STPG2: variants seen among roughly 807,000 people sequenced by gnomAD.
STPG2 encodes the protein sperm tail PG-rich repeat containing 2, also known as sperm-tail PG-rich repeat-containing protein 2.
STPG2 carries 56 observed loss-of-function variants against 54.2 expected under a neutral mutation model. The observed-to-expected ratio is 1.03, with a 90% CI of 0.83 to 1.29. The LOEUF (loss-of-function observed/expected upper bound fraction) is 1.29. Ranked by LOEUF, STPG2 falls within the 50% of genes most tolerant of loss-of-function variation. STPG2 has a pLI of 0.00. For missense variants in STPG2, 596 were observed against 544.9 expected, an observed-to-expected ratio of 1.09 and a Z score of -0.93; for synonymous variants, 200 against 181.8, an observed-to-expected ratio of 1.10 and a Z score of -0.81.
intron 4 of STPG2, among the ~76,000 whole-genome samples, chr4:97,515,392 G>C (rs1052942422): frequency 3.9e-5 from 6 of 151,990 alleles, no homozygotes; most frequent in African/African-American, 1.2e-4. Context: ...TCATTGTAAA[G>C]ACCACATATC....
chr4:97,656,733 T>C (rs945706337), intron 10 of STPG2, among the ~76,000 whole-genome samples: 4 of 151,014 alleles, frequency 2.6e-5, no homozygotes, highest in African/African-American at 9.7e-5. Context: ...GTATTGTGCA[T>C]AGTTTTAGTT....
intron 4 of STPG2, among the ~76,000 whole-genome samples, chr4:97,460,097 G>T (rs1312984615): frequency 1.3e-5 from 2 of 152,110 alleles, no homozygotes; most frequent in Non-Finnish European, 2.9e-5. Flanking sequence ...AGCTACAGTG[G>T]TTATAGAAGA....
intron 8 of STPG2, among the ~76,000 whole-genome samples, chr4:97,920,714 A>T (rs1053227469): frequency 2.6e-5 from 4 of 152,220 alleles, no homozygotes; most frequent in Admixed American, 2.6e-4. Context: ...AAGGAAACAT[A>T]GACAGGACCA....
intron 5 of STPG2, among the ~76,000 whole-genome samples, chr4:97,994,414 T>C (rs930735969): frequency 3.3e-5 from 5 of 152,220 alleles, no homozygotes; most frequent in African/African-American, 7.2e-5. Flanking sequence ...GAATGTTTCA[T>C]GCATTGATGA....
intron 8 of STPG2, among the ~76,000 whole-genome samples, chr4:97,872,050 C>T (rs1471126418): frequency 6.6e-6 from 1 of 150,948 alleles, no homozygotes; most frequent in Non-Finnish European, 1.5e-5. Flanking sequence ...ATATGATCAT[C>T]TCATAAATGT....
intron 5 of STPG2, among the ~76,000 whole-genome samples, chr4:98,075,146 T>C (rs1018626046): frequency 1.3e-5 from 2 of 152,184 alleles, no homozygotes; most frequent in Non-Finnish European, 2.9e-5. Flanking sequence ...TCCCTCTTTC[T>C]GGGTAGTGCC....
chr4:97,735,698 T>C (rs999764259), intron 9 of STPG2, among the ~76,000 whole-genome samples: 2 of 150,814 alleles, frequency 1.3e-5, no homozygotes, highest in African/African-American at 2.4e-5. Flanking sequence ...CCTTACAATA[T>C]ATAAGGATAT....
At chr4:97,688,740 T>C (rs1303721493) in intron 10 of STPG2, among the ~76,000 whole-genome samples, 1 of 152,244 alleles carries the variant, frequency 6.6e-6, no homozygotes, top group Admixed American at 6.5e-5. Context: ...TGTACAGAAA[T>C]GAATATAGTA....
chr4:98,095,384 A>G (rs1209183116), intron 5 of STPG2, among the ~76,000 whole-genome samples: 1 of 152,200 alleles, frequency 6.6e-6, no homozygotes, highest in East Asian at 1.9e-4. Flanking sequence ...GAGCAGCTGA[A>G]CAGATGTTTT....
intron 7 of STPG2, among the ~76,000 whole-genome samples, chr4:97,946,755 T>C (rs1733240655): frequency 6.6e-6 from 1 of 152,168 alleles, no homozygotes; most frequent in Non-Finnish European, 1.5e-5. Context: ...GATCTATATG[T>C]CTACTTTTAT....
chr4:98,119,606 CT>C (rs879556822), intron 3 of STPG2, among the ~76,000 whole-genome samples: 159 of 145,850 alleles, frequency 1.1e-3, no homozygotes, highest in Middle Eastern at 3.6e-3. Flanking sequence ...AAAAGAATGC[CT>C]TTTTTTTTTT....
intron 5 of STPG2, among the ~76,000 whole-genome samples, chr4:98,097,613 G>C (rs992896514): frequency 6.6e-6 from 1 of 152,048 alleles, no homozygotes; most frequent in South Asian, 2.1e-4. Flanking sequence ...CATAGTACTA[G>C]AAGTCCTAGC....
At chr4:97,557,224 A>G (rs1035377513), downstream of STPG2, among the ~76,000 whole-genome samples, 4 of 152,142 alleles carry the variant, frequency 2.6e-5, no homozygotes, top group African/African-American at 9.7e-5. Flanking sequence ...AGTTTGTGCC[A>G]GCATAAAACG....
At chr4:97,471,880 G>A (rs922745568) in intron 4 of STPG2, among the ~76,000 whole-genome samples, 5 of 151,958 alleles carry the variant, frequency 3.3e-5, no homozygotes, top group East Asian at 3.8e-4. Context: ...CATATGACTC[G>A]AAAACAAGTT....
At chr4:97,739,866 T>G (rs1459871364) in intron 9 of STPG2, among the ~76,000 whole-genome samples, 14 of 152,002 alleles carry the variant, frequency 9.2e-5, no homozygotes, top group South Asian at 2.1e-4. Flanking sequence ...CATTTTATGA[T>G]GCCAGCATCA....
chr4:97,533,888 T>C (rs1332679830), intron 4 of STPG2, among the ~76,000 whole-genome samples: 2 of 152,154 alleles, frequency 1.3e-5, no homozygotes, highest in African/African-American at 2.4e-5. Context: ...TGAATAAATA[T>C]TTTGAATACA....
At chr4:97,885,148 A>G (rs1274530197) in intron 8 of STPG2, among the ~76,000 whole-genome samples, 1 of 144,710 alleles carries the variant, frequency 6.9e-6, no homozygotes, top group African/African-American at 2.5e-5. Context: ...GAAAGTCTAG[A>G]CAGTGTACAT....
At chr4:97,617,903 G>A (rs568644710) in intron 10 of STPG2, among the ~76,000 whole-genome samples, 18 of 152,246 alleles carry the variant, frequency 1.2e-4, no homozygotes, top group African/African-American at 4.1e-4. Flanking sequence ...AAGAATAGTG[G>A]TTAGATAGGT....
intron 9 of STPG2, among the ~76,000 whole-genome samples, chr4:97,816,832 C>T (rs1273245372): frequency 6.6e-6 from 1 of 150,714 alleles, no homozygotes; most frequent in Non-Finnish European, 1.5e-5. Context: ...TCCTTCCTTC[C>T]CTTCCTGCCT....
Sources: gnomAD v4.1 joint callset for allele counts (sites outside exome capture counted in the v4.1 genomes callset) on GRCh38, gnomAD v4.1.1 for gene constraint, MANE v1.5 for transcripts, NCBI Gene and HGNC (gene_info 2026-07-23, HGNC 2026-07-21) for gene names.